The following SGCZ variants were observed in gnomAD, a reference collection of about 807,000 sequenced individuals.
SGCZ encodes the protein zeta-sarcoglycan.
In SGCZ, 40 loss-of-function variants were observed where a neutral mutation model predicts 41.3. The observed-to-expected ratio is 0.97, with a 90% CI of 0.75 to 1.26. SGCZ has a LOEUF of 1.26. SGCZ is among the 50% of genes most tolerant of loss of function. SGCZ has a pLI of 0.00. For missense variants in SGCZ, 552 were observed against 369.8 expected, an observed-to-expected ratio of 1.49 and a Z score of -4.04; for synonymous variants, 206 against 137.5, an observed-to-expected ratio of 1.50 and a Z score of -3.49.
At chr8:14,387,001 A>G (rs138961297) in intron 2 of SGCZ, among the ~76,000 whole-genome samples, 5 of 152,322 alleles carry the variant, frequency 3.3e-5, no homozygotes, top group African/African-American at 7.2e-5. Context: ...ATGTTTGCCA[A>G]AGTAAAGTAC....
At chr8:14,730,464 G>C (rs982766103) in intron 1 of SGCZ, among the ~76,000 whole-genome samples, 31 of 151,840 alleles carry the variant, frequency 2.0e-4, no homozygotes, top group African/African-American at 6.3e-4. Flanking sequence ...TTCTTATCCT[G>C]AAGTGTGTGC....
intron 1 of SGCZ, among the ~76,000 whole-genome samples, chr8:14,626,860 T>A (rs998924775): frequency 6.6e-6 from 1 of 152,156 alleles, no homozygotes; most frequent in Admixed American, 6.6e-5. Context: ...TCCACTTAGT[T>A]TGTGGTACTT....
In SGCZ at chr8:15,158,187, G is replaced by C. The variant is rs928608026; in HGVS notation, c.39+79398C>G. 5.3e-5 allele frequency among the ~76,000 whole-genome samples: 8 copies of C among 150,836 alleles called. No individual in the cohort carries two copies. In the South Asian group the frequency reaches 1.5e-3, roughly 28 times the overall value. On this transcript the variant is annotated intron_variant, in intron 1 of 7. Coordinates refer to ENST00000382080, the MANE Select transcript of SGCZ (RefSeq NM_139167.4). The stretch of plus-strand genomic sequence containing the variant: ...GCCACAAAAAAAAAAATGGTGAAAA[G>C]ATATAGTCCCCATTCATCAGGGAAT...
At chr8:15,217,825 T>C (rs1436180111) in intron 1 of SGCZ, among the ~76,000 whole-genome samples, 1 of 152,134 alleles carries the variant, frequency 6.6e-6, no homozygotes, top group Admixed American at 6.5e-5. Context: ...GTGGCATTCA[T>C]GCCTATAATC....
At chr8:14,982,425 A>G (rs1801696637) in intron 1 of SGCZ, among the ~76,000 whole-genome samples, 1 of 152,198 alleles carries the variant, frequency 6.6e-6, no homozygotes, top group African/African-American at 2.4e-5. Context: ...AAATGAGATA[A>G]CATATTTCTC....
intron 1 of SGCZ, among the ~76,000 whole-genome samples, chr8:14,788,207 G>T (rs1414225140): frequency 6.6e-6 from 1 of 152,016 alleles, no homozygotes; most frequent in African/African-American, 2.4e-5. Context: ...TATCTGTCAA[G>T]GTCTCTAGAA....
chr8:15,027,010 G>C (rs1261459332), intron 1 of SGCZ, among the ~76,000 whole-genome samples: 1 of 152,162 alleles, frequency 6.6e-6, no homozygotes, highest in Non-Finnish European at 1.5e-5. Context: ...ACAGAATCAT[G>C]AATGAGGGTA....
chr8:14,635,331 G>A (rs1039370255), intron 1 of SGCZ, among the ~76,000 whole-genome samples: 2 of 151,710 alleles, frequency 1.3e-5, no homozygotes, highest in Non-Finnish European at 2.9e-5. Context: ...CAACTGTACT[G>A]GAAATATATC....
chr8:14,867,295 G>C (rs927893868), intron 1 of SGCZ, among the ~76,000 whole-genome samples: 1 of 152,052 alleles, frequency 6.6e-6, no homozygotes, highest in Non-Finnish European at 1.5e-5. Flanking sequence ...TCCTTTTTAA[G>C]AGCTGCATAG....
In SGCZ at chr8:14,944,153, TGG is replaced by T. The variant is rs559556656; in HGVS notation, c.39+293430_39+293431del. ...CTTCATTCGAATCATATAGGCAGGG[TGG>T]GGCCTGCAGGCTGAAGGTAGCTAGG... On this transcript the variant is annotated intron_variant, in intron 1 of 7. Coordinates refer to ENST00000382080, the MANE Select transcript of SGCZ (RefSeq NM_139167.4). Among the ~76,000 whole-genome samples the T allele has an allele frequency of 4.1e-3, 631 of 152,212 alleles. 4 individuals are homozygous for T. The highest frequency in any genetic ancestry group is 0.015 in the African/African-American group (615 of 41,544).
intron 3 of SGCZ, among the ~76,000 whole-genome samples, chr8:14,270,778 A>G (rs1260162149): frequency 2.0e-5 from 3 of 152,178 alleles, no homozygotes; most frequent in Admixed American, 6.5e-5. Context: ...TTACAATAGC[A>G]AAGACTTGGA....
chr8:14,419,144 C>T (rs1008171016), intron 2 of SGCZ, among the ~76,000 whole-genome samples: 4 of 151,726 alleles, frequency 2.6e-5, no homozygotes, highest in African/African-American at 9.7e-5. Context: ...TAATATATTA[C>T]CAAACTCATA....
chr8:14,712,555 T>TG (rs1357449995), intron 1 of SGCZ, among the ~76,000 whole-genome samples: 3 of 152,082 alleles, frequency 2.0e-5, no homozygotes, highest in African/African-American at 7.2e-5. Context: ...GTAATTCTTT[T>TG]GGGGGGAGAC....
chr8:14,878,190 CT>C (rs1183435501), intron 1 of SGCZ, among the ~76,000 whole-genome samples: 2 of 149,730 alleles, frequency 1.3e-5, no homozygotes, highest in Admixed American at 6.7e-5. Context: ...TTCTTTTTTT[CT>C]TTTTTTCTTT....
intron 4 of SGCZ, among the ~76,000 whole-genome samples, chr8:14,183,063 AAAATT>A (rs1804782701): frequency 6.6e-6 from 1 of 152,134 alleles, no homozygotes; most frequent in Non-Finnish European, 1.5e-5. Context: ...GATTAAGAAA[AAAATT>A]AAACATTTGC....
chr8:14,430,521 A>C (rs1405985443), intron 2 of SGCZ, among the ~76,000 whole-genome samples: 3 of 152,160 alleles, frequency 2.0e-5, no homozygotes, highest in Non-Finnish European at 2.9e-5. Flanking sequence ...CTCTCAGCAA[A>C]ATCTGCATAC....
intron 1 of SGCZ, among the ~76,000 whole-genome samples, chr8:14,656,388 T>G (rs923523723): frequency 1.3e-5 from 2 of 148,764 alleles, no homozygotes; most frequent in Non-Finnish European, 3.0e-5. Flanking sequence ...TTCTTCTTTT[T>G]CTCCCTTTCT....
At chr8:14,429,407 C>T (rs966885296) in intron 2 of SGCZ, among the ~76,000 whole-genome samples, 4 of 152,036 alleles carry the variant, frequency 2.6e-5, no homozygotes, top group Non-Finnish European at 5.9e-5. Context: ...AACGTCAACA[C>T]TTACAAGATA....
chr8:14,282,610 C>T (rs1384961763), intron 3 of SGCZ, among the ~76,000 whole-genome samples: 1 of 152,134 alleles, frequency 6.6e-6, no homozygotes, highest in Non-Finnish European at 1.5e-5. Flanking sequence ...TGGTCACATG[C>T]TAACATGAGA....
Sources: allele counts gnomAD v4.1 joint callset (sites outside exome capture counted in the v4.1 genomes callset), GRCh38; gene constraint gnomAD v4.1.1; transcripts MANE v1.5; gene names NCBI Gene and HGNC (gene_info 2026-07-23, HGNC 2026-07-21).